The following NEMP2 variants were observed in gnomAD, a reference collection of about 807,000 sequenced individuals.
NEMP2 encodes UPF0571 transmembrane protein.
In NEMP2, 53 loss-of-function variants were observed where a neutral mutation model predicts 54.2. The ratio of observed to expected loss-of-function variants is 0.98; its 90% confidence interval spans 0.78 to 1.23. The LOEUF is 1.23. NEMP2 is among the 50% of genes most tolerant of loss of function. The pLI, the probability that NEMP2 is intolerant of heterozygous loss-of-function variation, is 0.00. For missense variants in NEMP2, 455 were observed against 511.3 expected (o/e 0.89, Z 1.06); for synonymous variants, 197 against 190.3 (o/e 1.04, Z -0.29).
chr2:190,642,800 TA>T, the NEMP2 span, among the ~76,000 whole-genome samples: 1 of 152,150 alleles, frequency 6.6e-6, no homozygotes, highest in Non-Finnish European at 1.5e-5. The surrounding 1 kb of genome is among the most constrained non-coding windows in gnomAD (Gnocchi z 4.1). Context: ...TTGTAGGTCA[TA>T]AGCCATAATG....
At chr2:190,434,460 G>A in the NEMP2 span, among the ~76,000 whole-genome samples, 2 of 151,704 alleles carry the variant, frequency 1.3e-5, no homozygotes, top group East Asian at 1.9e-4. The surrounding 1 kb of genome is among the most constrained non-coding windows in gnomAD (Gnocchi z 4.3). Flanking sequence ...TTTTTGAGAC[G>A]GAGTCTCGCT....
At chr2:190,479,519 A>G in the NEMP2 span, among the ~76,000 whole-genome samples, 3 of 152,192 alleles carry the variant, frequency 2.0e-5, no homozygotes, top group Non-Finnish European at 2.9e-5. Flanking sequence ...TACAAAGAAC[A>G]ATTAAACATT....
At position 190,523,214 on chromosome 2, in the gene NEMP2, G is replaced by A. The variant is rs1391057243; in HGVS notation, c.213+2049C>T. ...ATAATATAACCAGACTGAAGGGGGA[G>A]TGGATTGGGATGAATTAACCTAAAA... On this transcript the variant is annotated intron_variant, in intron 2 of 8. Transcript: ENST00000409150. This position sits in a 1 kb window ranked among gnomAD's most constrained non-coding sequence, Gnocchi z 5.3. Among the ~76,000 whole-genome samples the A allele has an allele frequency of 6.6e-6, 1 of 152,114 alleles. No homozygotes were observed. The highest frequency in any genetic ancestry group is 2.4e-5 in the African/African-American group (1 of 41,426).
chr2:190,459,632 A>G, the NEMP2 span, among the ~76,000 whole-genome samples: 1 of 152,204 alleles, frequency 6.6e-6, no homozygotes, highest in Admixed American at 6.5e-5. The surrounding 1 kb of genome is among the most constrained non-coding windows in gnomAD (Gnocchi z 5.3). Flanking sequence ...ACACAACTTA[A>G]GAAAAAAACA....
the NEMP2 span, among the ~76,000 whole-genome samples, chr2:190,644,330 C>G: frequency 6.6e-6 from 1 of 152,224 alleles, no homozygotes; most frequent in Non-Finnish European, 1.5e-5. This position sits in a 1 kb window ranked among gnomAD's most constrained non-coding sequence, Gnocchi z 4.4. Flanking sequence ...CATCTTCCAT[C>G]TCGAATCATC....
At chr2:190,474,546 A>G in the NEMP2 span, among the ~76,000 whole-genome samples, 4 of 152,206 alleles carry the variant, frequency 2.6e-5, no homozygotes, top group Non-Finnish European at 4.4e-5. Flanking sequence ...TAGACCAATA[A>G]AAGGCTCTGA....
At chr2:190,479,406 C>T in the NEMP2 span, among the ~76,000 whole-genome samples, 45,316 of 151,994 alleles carry the variant, frequency 0.3, 7,510 homozygotes, top group East Asian at 0.46. Flanking sequence ...AGGGAGTCTA[C>T]GTGCCTAAAA....
At chr2:190,427,951 C>T in the NEMP2 span, among the ~76,000 whole-genome samples, 119 of 152,272 alleles carry the variant, frequency 7.8e-4, no homozygotes, top group South Asian at 2.1e-3. Flanking sequence ...AGACTGGTCT[C>T]GAACTCCTGA....
the NEMP2 span, among the ~76,000 whole-genome samples, chr2:190,553,019 G>A: frequency 2.2e-4 from 34 of 151,454 alleles, 1 homozygote; most frequent in South Asian, 6.9e-3. Flanking sequence ...AAAGCAGTTC[G>A]TAAGCAGAAT....
Position 190,516,318 on chromosome 2 carries a change from T to A in NEMP2, c.679A>T (p.Met227Leu), listed in dbSNP as rs1690553636. The A allele has an allele frequency of 1.3e-6, 2 of 1,551,508 alleles. No homozygotes were observed. The highest frequency in any genetic ancestry group is 2.4e-5 in the South Asian group (2 of 84,058). The change falls in exon 6 of 9, where the codon ATG becomes TTG. Residue 227 changes from methionine (M) to leucine (L), a missense_variant. By Grantham distance (15) the Met-to-Leu change is conservative. This residue lies in a region of NEMP2 where 294 missense variants were observed against 333.6 expected (regional missense o/e 0.88). Transcript: ENST00000409150. ...TACCACAGCCACTTCAGATCTTCCA[T>A]CAACTGGCATACAATATAAACTGAG... ...FASVYIVCQL[M>L]EDLKWLWYEN...
At position 190,512,939 on chromosome 2, in the gene NEMP2, A is replaced by ATTC. The variant is rs1690420083; in HGVS notation, c.953+1513_953+1514insGAA. 6.6e-6 allele frequency among the ~76,000 whole-genome samples: 1 copy of ATTC among 152,100 alleles called. No individual in the cohort carries two copies. The highest frequency in any genetic ancestry group is 1.5e-5 in the Non-Finnish European group (1 of 68,018). On this transcript the variant is annotated intron_variant, in intron 7 of 8. Transcript: ENST00000409150. This position sits in a 1 kb window ranked among gnomAD's most constrained non-coding sequence, Gnocchi z 4.5. Reference sequence around the variant, plus strand: ...CACACACACAGTCACCAGTTCCATAAACTACCAGTCACCATAGTGTCCTTC... The same window carrying ATTC: ...CACACACACAGTCACCAGTTCCATAATTCACTACCAGTCACCATAGTGTCCTTC...
chr2:190,532,264 A>G (rs997278851), intron 1 of NEMP2, among the ~76,000 whole-genome samples: 3 of 152,222 alleles, frequency 2.0e-5, no homozygotes, highest in African/African-American at 7.2e-5. Context: ...TCTTAACCTC[A>G]GTTTTTTTTA....
At chr2:190,421,758 A>G in the NEMP2 span, among the ~76,000 whole-genome samples, 116,050 of 151,966 alleles carry the variant, frequency 0.76, 45,094 homozygotes, top group East Asian at 0.89. Flanking sequence ...ATGGGATCTC[A>G]CTATGTTGCC....
the NEMP2 span, among the ~76,000 whole-genome samples, chr2:190,588,502 A>C: frequency 1.3e-5 from 2 of 151,978 alleles, no homozygotes; most frequent in African/African-American, 4.8e-5. The surrounding 1 kb of genome is among the most constrained non-coding windows in gnomAD (Gnocchi z 5.0). Flanking sequence ...AACTTTTATG[A>C]CTCTGTTGAA....
chr2:190,431,133 C>A, the NEMP2 span, among the ~76,000 whole-genome samples: 24 of 151,058 alleles, frequency 1.6e-4, no homozygotes, highest in Non-Finnish European at 3.4e-4. This position sits in a 1 kb window ranked among gnomAD's most constrained non-coding sequence, Gnocchi z 4.4. Flanking sequence ...GCGCTCCCCA[C>A]ATCTCAGACG....
At chr2:190,614,704 G>T in the NEMP2 span, among the ~76,000 whole-genome samples, 1 of 152,196 alleles carries the variant, frequency 6.6e-6, no homozygotes, top group Non-Finnish European at 1.5e-5. This position sits in a 1 kb window ranked among gnomAD's most constrained non-coding sequence, Gnocchi z 5.7. Flanking sequence ...AAGGGGGAGT[G>T]CATTTAGGCA....
the NEMP2 span, among the ~76,000 whole-genome samples, chr2:190,570,252 A>C: frequency 6.6e-6 from 1 of 152,264 alleles, no homozygotes; most frequent in Admixed American, 6.5e-5. The surrounding 1 kb of genome is among the most constrained non-coding windows in gnomAD (Gnocchi z 5.4). Context: ...TGTATAAGAA[A>C]ATTTGCATAT....
upstream of NEMP2, among the ~76,000 whole-genome samples, chr2:190,536,766 A>G (rs117384718): frequency 3.6e-4 from 55 of 152,322 alleles, no homozygotes; most frequent in East Asian, 0.01. Context: ...AAACAATGCA[A>G]TAGTAACCCC....
chr2:190,572,559 G>C, the NEMP2 span, among the ~76,000 whole-genome samples: 1 of 152,058 alleles, frequency 6.6e-6, no homozygotes, highest in Non-Finnish European at 1.5e-5. Context: ...GAGGAAGGGA[G>C]AGCAAATATG....
Sources: gnomAD v4.1 joint callset for allele counts (sites outside exome capture counted in the v4.1 genomes callset) on GRCh38, gnomAD v4.1.1 for gene constraint, gnomAD v4.1.1 regional missense constraint, Gnocchi (gnomAD v3.1) non-coding constraint, MANE v1.5 for transcripts, NCBI Gene and HGNC (gene_info 2026-07-23, HGNC 2026-07-21) for gene names.